MAP3K5: variants seen among roughly 807,000 people sequenced by gnomAD.
The protein encoded by MAP3K5 is mitogen-activated protein kinase kinase kinase 5.
MAP3K5 carries 56 observed loss-of-function variants against 158.7 expected under a neutral mutation model. The observed-to-expected ratio is 0.35, with a 90% CI of 0.28 to 0.44. The LOEUF (loss-of-function observed/expected upper bound fraction) is 0.44. Ranked by LOEUF, MAP3K5 falls within the 20% of genes least tolerant of loss-of-function variation. The probability of loss-of-function intolerance (pLI) is 1.00; values close to 1 mark genes in which losing one functional copy is unlikely to be tolerated. For missense variants in MAP3K5, 1,294 were observed against 1,674.8 expected (o/e 0.77, Z 3.97); for synonymous variants, 579 against 601.7 (o/e 0.96, Z 0.55).
At chr6:136,570,473 G>C (rs910127372) in intron 25 of MAP3K5, among the ~76,000 whole-genome samples, 1 of 152,026 alleles carries the variant, frequency 6.6e-6, no homozygotes, top group Admixed American at 6.6e-5. Flanking sequence ...CTCTAGTCCC[G>C]GTCCTGTAAC....
chr6:136,585,431 T>C (rs550700010), intron 23 of MAP3K5, among the ~76,000 whole-genome samples: 82 of 151,280 alleles, frequency 5.4e-4, no homozygotes, highest in Non-Finnish European at 8.6e-4. Context: ...GATGGAACTT[T>C]TCTCCTTTGA....
intron 10 of MAP3K5, among the ~76,000 whole-genome samples, chr6:136,655,707 A>AGTGTGTGT (rs61536898): frequency 1.9e-4 from 29 of 150,004 alleles, no homozygotes; most frequent in Non-Finnish European, 3.4e-4. Context: ...ATTTTTTTAA[A>AGTGTGTGT]GTGTGTGTGT....
intron 23 of MAP3K5, among the ~76,000 whole-genome samples, chr6:136,588,973 C>T (rs946638248): frequency 6.6e-6 from 1 of 152,212 alleles, no homozygotes; most frequent in African/African-American, 2.4e-5. Flanking sequence ...TTTCAGCTCT[C>T]CTTGTACTGA....
intron 1 of MAP3K5, among the ~76,000 whole-genome samples, chr6:136,774,801 G>C (rs1784344215): frequency 6.6e-6 from 1 of 152,130 alleles, no homozygotes; most frequent in Non-Finnish European, 1.5e-5. Flanking sequence ...AGAGGTGCAG[G>C]GTTAACAAGA....
intron 1 of MAP3K5, among the ~76,000 whole-genome samples, chr6:136,763,506 T>C (rs1363230427): frequency 6.6e-6 from 1 of 152,218 alleles, no homozygotes; most frequent in African/African-American, 2.4e-5. Context: ...CTACCCACCC[T>C]ATCTATAGAA....
chr6:136,584,730 C>G (rs1775039313), intron 23 of MAP3K5, among the ~76,000 whole-genome samples: 1 of 152,108 alleles, frequency 6.6e-6, no homozygotes, highest in African/African-American at 2.4e-5. Context: ...GAAATGCACA[C>G]CAAGCAGGTC....
intron 3 of MAP3K5, among the ~76,000 whole-genome samples, chr6:136,701,124 G>T (rs993532951): frequency 6.6e-6 from 1 of 152,198 alleles, no homozygotes; most frequent in Non-Finnish European, 1.5e-5. Context: ...TCTGTGACAT[G>T]TTTGGCACTC....
intron 1 of MAP3K5, among the ~76,000 whole-genome samples, chr6:136,731,104 A>G (rs1782205338): frequency 6.6e-6 from 1 of 152,180 alleles, no homozygotes; most frequent in Non-Finnish European, 1.5e-5. Context: ...AAAAGTCACA[A>G]TGGCGCACGC....
chr6:136,600,042 C>T (rs73556247), intron 21 of MAP3K5, among the ~76,000 whole-genome samples: 100 of 152,258 alleles, frequency 6.6e-4, no homozygotes, highest in African/African-American at 2.3e-3. Flanking sequence ...GGCCTCTACT[C>T]TGGGCTGACT....
At chr6:136,732,366 A>G (rs1273748531) in intron 1 of MAP3K5, among the ~76,000 whole-genome samples, 1 of 152,196 alleles carries the variant, frequency 6.6e-6, no homozygotes, top group Non-Finnish European at 1.5e-5. Flanking sequence ...TGGAAGTTGC[A>G]GTGAGCTGAG....
intron 25 of MAP3K5, among the ~76,000 whole-genome samples, chr6:136,572,909 T>C (rs540371923): frequency 6.6e-5 from 10 of 152,312 alleles, no homozygotes; most frequent in East Asian, 3.9e-4. Flanking sequence ...TGAGAGCACA[T>C]TGAAATATAA....
At chr6:136,697,173 T>TC (rs1205410193) in intron 5 of MAP3K5, 46 bp downstream of exon 5, 1 of 1,557,946 alleles carries the variant, frequency 6.4e-7, no homozygotes. Context: ...CCCTTATCCC[T>TC]CCAACATGCT....
At chr6:136,730,436 A>T (rs1782170086) in intron 1 of MAP3K5, among the ~76,000 whole-genome samples, 1 of 151,992 alleles carries the variant, frequency 6.6e-6, no homozygotes, top group African/African-American at 2.4e-5. Context: ...TAAGAATAAC[A>T]GCAGGCTGGG....
At chr6:136,730,176 T>G (rs1393323901) in intron 1 of MAP3K5, among the ~76,000 whole-genome samples, 4 of 130,006 alleles carry the variant, frequency 3.1e-5, no homozygotes, top group Non-Finnish European at 5.9e-5. Flanking sequence ...TGTTTTTTGT[T>G]TTTGTAGAAA....
intron 10 of MAP3K5, among the ~76,000 whole-genome samples, chr6:136,653,120 C>T (rs1778591226): frequency 1.3e-5 from 2 of 152,128 alleles, no homozygotes; most frequent in Admixed American, 1.3e-4. Context: ...CTTTGAAGTA[C>T]CATACGTCTC....
chr6:136,790,080 C>A (rs144685077), intron 1 of MAP3K5, among the ~76,000 whole-genome samples: 154 of 152,242 alleles, frequency 1.0e-3, no homozygotes, highest in Non-Finnish European at 1.8e-3. Flanking sequence ...GTTAGGGATC[C>A]CTGGGTTTTC....
At chr6:136,712,085 G>C (rs1305316534) in intron 2 of MAP3K5, among the ~76,000 whole-genome samples, 1 of 151,736 alleles carries the variant, frequency 6.6e-6, no homozygotes, top group Non-Finnish European at 1.5e-5. Flanking sequence ...GTATATCTTG[G>C]TGGAAGAACT....
chr6:136,733,079 A>G (rs1355712669), intron 1 of MAP3K5, among the ~76,000 whole-genome samples: 4 of 152,346 alleles, frequency 2.6e-5, no homozygotes, highest in South Asian at 4.1e-4. Flanking sequence ...GGCTCACTGC[A>G]TCCTCGACCT....
chr6:136,668,004 T>A (rs1211087110), intron 8 of MAP3K5, among the ~76,000 whole-genome samples: 1 of 152,162 alleles, frequency 6.6e-6, no homozygotes, highest in African/African-American at 2.4e-5. Flanking sequence ...CTCCAGAACA[T>A]TACATAAAGA....
Sources: allele counts gnomAD v4.1 joint callset (sites outside exome capture counted in the v4.1 genomes callset), GRCh38; gene constraint gnomAD v4.1.1; transcripts MANE v1.5; gene names NCBI Gene and HGNC (gene_info 2026-07-23, HGNC 2026-07-21).